Variants in TBC1D1 observed in about 807,000 individuals in gnomAD.
TBC1D1 encodes TBC1 (tre-2/USP6, BUB2, cdc16) domain family, member 1.
In TBC1D1, 89 loss-of-function variants were observed where a neutral mutation model predicts 125.6. The ratio of observed to expected loss-of-function variants is 0.71; its 90% CI spans 0.60 to 0.85. TBC1D1 has a LOEUF of 0.85. TBC1D1 is among the 40% of genes least tolerant of loss of function. The probability of loss-of-function intolerance (pLI) is 0.00; values close to 1 mark genes in which losing one functional copy is unlikely to be tolerated. For missense variants in TBC1D1, 1,377 were observed against 1,469.2 expected, an observed-to-expected ratio of 0.94 and a Z score of 1.03; for synonymous variants, 565 against 564.1, an observed-to-expected ratio of 1.00 and a Z score of -0.02.
chr4:37,926,982 TG>T (rs1358775970), intron 2 of TBC1D1, among the ~76,000 whole-genome samples: 1 of 152,122 alleles, frequency 6.6e-6, no homozygotes, highest in Non-Finnish European at 1.5e-5. Flanking sequence ...CCGGGCATGG[TG>T]GCGCATGCCT....
At chr4:38,034,800 CT>C (rs1746886157) in intron 7 of TBC1D1, among the ~76,000 whole-genome samples, 1 of 152,222 alleles carries the variant, frequency 6.6e-6, no homozygotes, top group Non-Finnish European at 1.5e-5. Context: ...ATTCATTTTA[CT>C]TTCTTCATAT....
intron 2 of TBC1D1, among the ~76,000 whole-genome samples, chr4:37,992,498 T>G (rs1296385490): frequency 1.3e-5 from 2 of 150,108 alleles, no homozygotes; most frequent in Non-Finnish European, 1.5e-5. Context: ...CTGGTGTTTT[T>G]TTTTTTTTTT....
intron 8 of TBC1D1, among the ~76,000 whole-genome samples, chr4:38,036,883 C>T (rs1036652940): frequency 1.3e-5 from 2 of 152,184 alleles, no homozygotes; most frequent in Non-Finnish European, 2.9e-5. Flanking sequence ...AGATAGCATT[C>T]AAGTTCTGTG....
chr4:37,891,957 GA>G (rs1713431037), intron 1 of TBC1D1, among the ~76,000 whole-genome samples: 1 of 151,920 alleles, frequency 6.6e-6, no homozygotes, highest in Non-Finnish European at 1.5e-5. Flanking sequence ...CATTTCGTTT[GA>G]AATCCACCTA....
At position 38,058,924 on chromosome 4, in the gene TBC1D1, A is replaced by G. The variant is rs746375746; in HGVS notation, c.2050+4586A>G. On this transcript the variant is annotated intron_variant, in intron 12 of 19. Coordinates refer to ENST00000261439, the MANE Select transcript of TBC1D1 (RefSeq NM_015173.4). ...GTCTCTAACTAAATATAGTGTAAAAAGAGAAGAAAATACAAAGTCAGGCAC... is the reference window on the plus strand; with the variant it reads ...GTCTCTAACTAAATATAGTGTAAAAGGAGAAGAAAATACAAAGTCAGGCAC... Among the ~76,000 whole-genome samples the G allele has an allele frequency of 4.7e-4, 72 of 152,344 alleles. No individual in the cohort carries two copies. The Middle Eastern group carries it at 0.014, about 29-fold the overall frequency.
In TBC1D1 at chr4:38,138,773, C is replaced by G. The variant is rs1767002225; in HGVS notation, c.*1438C>G. On this transcript the variant is annotated 3_prime_UTR_variant, in exon 20 of 20. Transcript: ENST00000261439. The stretch of plus-strand genomic sequence containing the variant: ...TATTCCATAGGAGTTTCTTTTGATT[C>G]TCTCAGTTGCGGGGGGCATCTCTTA... 8.2e-6 allele frequency: 1 copy of G among 121,942 alleles called. No homozygotes were observed. Among genetic ancestry groups the G allele is most frequent in the African/African-American group, 3.4e-5 (1 of 29,496 alleles). 7.6% of individuals were successfully genotyped at this position (121,942 alleles called of 1,614,324 possible).
intron 2 of TBC1D1, among the ~76,000 whole-genome samples, chr4:37,984,570 G>C (rs534886561): frequency 1.3e-5 from 2 of 152,268 alleles, no homozygotes; most frequent in South Asian, 4.1e-4. Flanking sequence ...TAGGCCAGGA[G>C]TGTTAGCTCA....
intron 17 of TBC1D1, among the ~76,000 whole-genome samples, chr4:38,121,287 T>C (rs750317): frequency 0.1 from 15,201 of 152,202 alleles, 1,147 homozygotes; most frequent in East Asian, 0.36. Flanking sequence ...GAAAAAGAGA[T>C]GCAGTGCAAG....
At chr4:37,910,388 A>T (rs1204094213) in intron 2 of TBC1D1, among the ~76,000 whole-genome samples, 27 of 152,248 alleles carry the variant, frequency 1.8e-4, no homozygotes, top group Admixed American at 1.8e-3. Flanking sequence ...AGTGGATTTT[A>T]AAGACTTCAT....
At position 38,062,945 on chromosome 4, in the gene TBC1D1, C is replaced by T. The variant is rs114050332; in HGVS notation, c.2050+8607C>T. Among the ~76,000 whole-genome samples, 777 of 152,222 alleles carry T rather than the reference C, an allele frequency of 5.1e-3. 4 individuals carry two copies. The highest frequency in any genetic ancestry group is 0.017 in the African/African-American group (705 of 41,528). ...AGTCACATCGCCTGGATTTGAATCC[C>T]TGCCCTCCTGTTCTGATACCAGCTG... On this transcript the variant is annotated intron_variant, in intron 12 of 19. Coordinates refer to ENST00000261439, the MANE Select transcript of TBC1D1 (RefSeq NM_015173.4).
chr4:38,022,120 C>T (rs975211666), intron 6 of TBC1D1, among the ~76,000 whole-genome samples: 7 of 152,160 alleles, frequency 4.6e-5, no homozygotes, highest in African/African-American at 1.4e-4. Context: ...TCATTAGTAA[C>T]GTCTGCTAGT....
chr4:38,118,283 T>C (rs1385314834), intron 17 of TBC1D1, 91 bp downstream of exon 19: 2 of 1,434,204 alleles, frequency 1.4e-6, no homozygotes, highest in Non-Finnish European at 1.9e-6. Flanking sequence ...CTTATTTTTA[T>C]ACCTGTAGCT....
chr4:37,964,340 C>T (rs536563917), intron 2 of TBC1D1, among the ~76,000 whole-genome samples: 26 of 152,294 alleles, frequency 1.7e-4, no homozygotes, highest in African/African-American at 6.0e-4. Context: ...AAAGGAGGGT[C>T]GGGGCGCTGT....
chr4:38,135,925 T>TATAC lies in TBC1D1; in HGVS notation c.3307-1210_3307-1209insATAC, dbSNP rs1766507481. On this transcript the variant is annotated intron_variant, in intron 19 of 19. Coordinates refer to ENST00000261439, the MANE Select transcript of TBC1D1 (RefSeq NM_015173.4). ...GTGTATATATACGTGTGTGTGTATATGTGTGTGTGTGTGTGTGTGTGTGTG... is the reference window on the plus strand; with the variant it reads ...GTGTATATATACGTGTGTGTGTATATATACGTGTGTGTGTGTGTGTGTGTGTGTG... 4.3e-4 allele frequency among the ~76,000 whole-genome samples: 7 copies of TATAC among 16,398 alleles called. 1 individual carries two copies. The South Asian group carries it at 9.8e-3, about 23-fold the overall frequency. The allele number at this position is 16,398 out of a possible 152,430, so 10.8% of individuals were successfully genotyped here. A position where few individuals can be genotyped will look rare whatever the true frequency, so the allele number is the denominator to read the frequency against.
At chr4:38,115,098 C>CTTTTTTT (rs56997021) in intron 15 of TBC1D1, among the ~76,000 whole-genome samples, 8 of 134,670 alleles carry the variant, frequency 5.9e-5, no homozygotes, top group South Asian at 2.3e-4. Flanking sequence ...TTTCTTTTTT[C>CTTTTTTT]TTTTTTTTTT....
At chr4:38,074,497 A>T (rs1050251285) in intron 12 of TBC1D1, among the ~76,000 whole-genome samples, 4 of 152,134 alleles carry the variant, frequency 2.6e-5, no homozygotes, top group African/African-American at 9.7e-5. Flanking sequence ...TTTTAAGCTG[A>T]GTGTGCAGCA....
chr4:38,040,567 G>A (rs561957836), intron 8 of TBC1D1, among the ~76,000 whole-genome samples: 5 of 152,330 alleles, frequency 3.3e-5, no homozygotes, highest in East Asian at 3.9e-4. Context: ...GATTACAGGC[G>A]TGAGCCACTG....
intron 2 of TBC1D1, among the ~76,000 whole-genome samples, chr4:37,925,859 A>T (rs1722002655): frequency 6.6e-6 from 1 of 152,250 alleles, no homozygotes; most frequent in South Asian, 2.1e-4. Context: ...CATCAATTAG[A>T]AAAGATCAAA....
At chr4:38,021,354 A>G (rs1489147710) in intron 5 of TBC1D1, among the ~76,000 whole-genome samples, 1 of 152,258 alleles carries the variant, frequency 6.6e-6, no homozygotes, top group Non-Finnish European at 1.5e-5. Flanking sequence ...GGGTGGGGAC[A>G]CAGCCAAACC....
Sources: gnomAD v4.1 joint callset for allele counts (sites outside exome capture counted in the v4.1 genomes callset) on GRCh38, gnomAD v4.1.1 for gene constraint, MANE v1.5 for transcripts, NCBI Gene and HGNC (gene_info 2026-07-23, HGNC 2026-07-21) for gene names.